Variants in ZNF541 observed in about 807,000 individuals in gnomAD.
The protein encoded by ZNF541 is zinc finger protein 541.
A neutral mutation model predicts 123.5 loss-of-function variants in ZNF541; 23 were observed. The observed-to-expected ratio is 0.19, with a 90% confidence interval of 0.13 to 0.26. ZNF541 has a LOEUF of 0.26. ZNF541 is among the 10% of genes least tolerant of loss of function. The probability of loss-of-function intolerance (pLI) is 1.00; values close to 1 mark genes in which losing one functional copy is unlikely to be tolerated. For synonymous variants in ZNF541, 751 were observed against 754.5 expected, an observed-to-expected ratio of 1.00 and a Z score of 0.08; for missense variants, 1,612 against 1,789.9, an observed-to-expected ratio of 0.90 and a Z score of 1.79.
At chr19:47,532,788 G>A (rs192140612) in intron 10 of ZNF541, 121 bp downstream of exon 10, 91 of 781,122 alleles carry the variant, frequency 1.2e-4, no homozygotes, top group Admixed American at 7.8e-4. Flanking sequence ...ACCGCTTCAC[G>A]CCTAGGGAGC....
At chr19:47,555,984 A>G (rs1460204393) in intron 2 of ZNF541, 30 bp from the exon 3 acceptor site, 1 of 997,504 alleles carries the variant, frequency 1.0e-6, no homozygotes, top group African/African-American at 1.6e-5. Context: ...AATGAAAGTT[A>G]TTAGGTGGCA....
intron 1 of ZNF541, among the ~76,000 whole-genome samples, chr19:47,572,522 GTTAC>G (rs1971510961): frequency 6.6e-6 from 1 of 152,060 alleles, no homozygotes; most frequent in Non-Finnish European, 1.5e-5. Flanking sequence ...GCTAAGGGAA[GTTAC>G]TTAAAGGAGG....
chr19:47,538,470 C>A (rs1241625848), intron 8 of ZNF541, 31 bp from the exon 9 acceptor site: 1 of 1,461,402 alleles, frequency 6.8e-7, no homozygotes, highest in Non-Finnish European at 9.1e-7. Flanking sequence ...AGGTGGTCGC[C>A]TGAAGCCACC....
At chr19:47,570,408 C>G (rs1971433137) in intron 2 of ZNF541, among the ~76,000 whole-genome samples, 1 of 151,512 alleles carries the variant, frequency 6.6e-6, no homozygotes, top group Non-Finnish European at 1.5e-5. Flanking sequence ...GAAAACCCGT[C>G]TCTACTAAAA....
intron 2 of ZNF541, among the ~76,000 whole-genome samples, chr19:47,571,110 T>C (rs1221774340): frequency 3.3e-5 from 5 of 151,562 alleles, no homozygotes; most frequent in Non-Finnish European, 1.5e-5. Context: ...ATAAGTTCCC[T>C]ATGCTGTCTT....
At chr19:47,523,621 A>G (rs551467391) in intron 14 of ZNF541, among the ~76,000 whole-genome samples, 1 of 152,310 alleles carries the variant, frequency 6.6e-6, no homozygotes, top group East Asian at 1.9e-4. Context: ...CAGAGTCAAA[A>G]TATAAACAAT....
chr19:47,555,296 G>A (rs999583275), intron 3 of ZNF541, among the ~76,000 whole-genome samples: 7 of 151,730 alleles, frequency 4.6e-5, no homozygotes, highest in African/African-American at 1.7e-4. Flanking sequence ...TGTGAACCCA[G>A]GAGGCGGAGC....
intron 2 of ZNF541, among the ~76,000 whole-genome samples, chr19:47,569,095 T>C (rs1180222905): frequency 1.3e-5 from 2 of 152,174 alleles, no homozygotes; most frequent in African/African-American, 4.8e-5. Flanking sequence ...TATGGATTTC[T>C]GGTTTCTTTT....
In ZNF541 at chr19:47,545,961, G is replaced by A; in HGVS notation, c.568C>T (p.His190Tyr). The change falls in exon 5 of 17, where the codon CAC becomes TAC. Residue 190 changes from histidine to tyrosine, a missense_variant. Physicochemically the swap from His to Tyr is moderately conservative, Grantham distance 83. Coordinates refer to ENST00000391901, the MANE Select transcript of ZNF541 (RefSeq NM_001277075.3). This position sits in a 1 kb window ranked among gnomAD's most constrained non-coding sequence, Gnocchi z 7.5. ...QDHLTGHMLT[H>Y]QKTKPFVCIE... ...CACACGAAGGGCTTTGTCTTCTGGT[G>A]GGTGAGCATGTGCCCGGTCCTGGAG... The A allele has an allele frequency of 6.7e-7, 1 of 1,487,250 alleles. No homozygotes were observed. The highest frequency in any genetic ancestry group is 9.0e-7 in the Non-Finnish European group (1 of 1,110,928). 92.1% of individuals were successfully genotyped at this position (1,487,250 alleles called of 1,614,324 possible).
At chr19:47,536,687 G>T (rs1354364045) in intron 9 of ZNF541, among the ~76,000 whole-genome samples, 1 of 152,212 alleles carries the variant, frequency 6.6e-6, no homozygotes, top group African/African-American at 2.4e-5. Flanking sequence ...GAGCCCAGGA[G>T]GTTGAAGCTG....
Position 47,544,877 on chromosome 19 carries a change from C to T in ZNF541, c.1652G>A (p.Ser551Asn). ...LFLKSQEPLV[S>N]HEQMQVFQMI... ...CTGGAACACCTGCATCTGCTCGTGG[C>T]TCACAAGAGGTTCCTGCGACTTGAG... The change falls in exon 5 of 17, where the codon AGC (serine) becomes AAC (asparagine). Residue 551 changes from serine to asparagine, a missense_variant. By Grantham distance (46) the Ser-to-Asn change is conservative. Transcript: ENST00000391901. 1.3e-6 allele frequency: 2 copies of T among 1,536,200 alleles called. No individual in the cohort carries two copies. Among genetic ancestry groups the T allele is most frequent in the Non-Finnish European group, 1.7e-6 (2 of 1,146,806 alleles).
Position 47,521,711 on chromosome 19 carries a change from C to G in ZNF541, c.3712-57G>C. 5 of 1,537,396 alleles carry G rather than the reference C, an allele frequency of 3.3e-6. No individual in the cohort carries two copies. The highest frequency in any genetic ancestry group is 1.8e-6 in the Non-Finnish European group (2 of 1,138,014). On this transcript the variant is annotated intron_variant, in intron 15 of 16. Coordinates refer to ENST00000391901, the MANE Select transcript of ZNF541 (RefSeq NM_001277075.3). This position sits in a 1 kb window ranked among gnomAD's most constrained non-coding sequence, Gnocchi z 4.2. ...CTGACCTGTCCTGCTGTAAGAGAGA[C>G]ACAGAGCTGGGGGCATACGTGTCTC...
chr19:47,526,082 T>C (rs1969280932), intron 14 of ZNF541, among the ~76,000 whole-genome samples: 1 of 152,172 alleles, frequency 6.6e-6, no homozygotes, highest in African/African-American at 2.4e-5. Context: ...TAAAAGACAT[T>C]GTTAAGAGAT....
At chr19:47,550,308 GGAAAGAGAGAGA>G (rs751112871) in intron 3 of ZNF541, among the ~76,000 whole-genome samples, 145 of 144,986 alleles carry the variant, frequency 1.0e-3, no homozygotes, top group Non-Finnish European at 1.4e-3. Flanking sequence ...AAGGAAGGAA[GGAAAGAGAGAGA>G]GAAAGAGAGA....
chr19:47,525,442 A>C (rs1969243470), intron 14 of ZNF541, among the ~76,000 whole-genome samples: 1 of 152,226 alleles, frequency 6.6e-6, no homozygotes. Context: ...CATGATCTTA[A>C]GACTTAGAAA....
chr19:47,559,035 C>T (rs1186233417), intron 2 of ZNF541, among the ~76,000 whole-genome samples: 1 of 151,614 alleles, frequency 6.6e-6, no homozygotes, highest in Non-Finnish European at 1.5e-5. Flanking sequence ...TGACCCACCG[C>T]GCCCAGCCAA....
rs1177119930 is a variant in ZNF541 at position 47,531,889 on chromosome 19, G to C, written c.3302-144C>G. On this transcript the variant is annotated intron_variant, in intron 11 of 16. Transcript: ENST00000391901. The stretch of plus-strand genomic sequence containing the variant: ...CAGGGAGGGACAAGGAGGAAGAGCA[G>C]AACCCTGTCCCCAGCACCCACTCCT... 3 of 912,664 alleles carry C rather than the reference G, an allele frequency of 3.3e-6. No homozygotes were observed. The African/African-American group carries it at 5.0e-5, about 15-fold the overall frequency. 56.5% of individuals were successfully genotyped at this position (912,664 alleles called of 1,614,324 possible).
At chr19:47,557,737 G>T (rs1388425992) in intron 2 of ZNF541, among the ~76,000 whole-genome samples, 1 of 151,944 alleles carries the variant, frequency 6.6e-6, no homozygotes, top group Non-Finnish European at 1.5e-5. Context: ...TATTCAGAAG[G>T]CTGAGGCAGG....
intron 14 of ZNF541, among the ~76,000 whole-genome samples, chr19:47,522,827 A>G (rs1190216371): frequency 1.3e-5 from 2 of 149,138 alleles, no homozygotes; most frequent in Non-Finnish European, 1.5e-5. Context: ...GCTCACTGCA[A>G]CCTCCGCCTC....
Sources: gnomAD v4.1 joint callset for allele counts (sites outside exome capture counted in the v4.1 genomes callset) on GRCh38, gnomAD v4.1.1 for gene constraint, Gnocchi (gnomAD v3.1) non-coding constraint, MANE v1.5 for transcripts, NCBI Gene and HGNC (gene_info 2026-07-23, HGNC 2026-07-21) for gene names.